Variants in S100A10 observed in about 807,000 individuals in gnomAD.
S100A10 encodes protein S100-A10.
In S100A10, 3 loss-of-function variants were observed where a neutral mutation model predicts 7.1. The observed-to-expected ratio is 0.42, with a 90% CI of 0.19 to 1.10. The LOEUF is 1.10. Among genes scored for constraint, S100A10 ranks in the 50% least tolerant of loss-of-function variants. S100A10 has a pLI of 0.29. For missense variants in S100A10, 101 were observed against 118.1 expected (o/e 0.86, Z 0.67); for synonymous variants, 41 against 39.3 (o/e 1.04, Z -0.16).
chr1:151,992,049 A>G (rs930411236), intron 1 of S100A10, among the ~76,000 whole-genome samples: 8 of 152,222 alleles, frequency 5.3e-5, no homozygotes, highest in African/African-American at 1.4e-4. Context: ...ACAGTGAAGA[A>G]ACTATCCTCT....
chr1:151,988,441 A>T (rs1348349948), intron 1 of S100A10, among the ~76,000 whole-genome samples: 1 of 152,236 alleles, frequency 6.6e-6, no homozygotes, highest in African/African-American at 2.4e-5. Flanking sequence ...TCTCTGAGAG[A>T]TGCCTGTTCA....
chr1:151,989,853 T>C (rs572581513), intron 1 of S100A10, among the ~76,000 whole-genome samples: 1 of 152,368 alleles, frequency 6.6e-6, no homozygotes, highest in South Asian at 2.1e-4. Flanking sequence ...TCCTGCATCC[T>C]GGTTAGACAC....
intron 1 of S100A10, among the ~76,000 whole-genome samples, chr1:151,989,087 G>A (rs1447965128): frequency 2.6e-5 from 4 of 152,184 alleles, no homozygotes; most frequent in Non-Finnish European, 4.4e-5. Context: ...AGCAGGGTAA[G>A]GACCTCTAAA....
In S100A10 at chr1:151,986,259, A is replaced by C; in HGVS notation, c.-21-8T>G. On this transcript the variant is annotated splice_polypyrimidine_tract_variant and splice_region_variant and intron_variant, in intron 1 of 2. Transcript: ENST00000368811. ...GGTGTGGTCCGTTGAAGCCTATTAA[A>C]GGATGTAAAGTAACAGGGTCTACAT... is the stretch of plus-strand genomic sequence containing the variant. 1 of 1,569,792 alleles carries C rather than the reference A, an allele frequency of 6.4e-7. No individual in the cohort carries two copies. Among genetic ancestry groups the C allele is most frequent in the South Asian group, 1.2e-5 (1 of 83,558 alleles).
intron 2 of S100A10, among the ~76,000 whole-genome samples, chr1:151,984,932 C>T (rs1655761944): frequency 6.6e-6 from 1 of 152,162 alleles, no homozygotes; most frequent in Non-Finnish European, 1.5e-5. Context: ...TCACAGGACT[C>T]TACAAAAGCA....
chr1:151,990,815 G>A (rs1655889275), intron 1 of S100A10, among the ~76,000 whole-genome samples: 1 of 152,190 alleles, frequency 6.6e-6, no homozygotes, highest in African/African-American at 2.4e-5. Context: ...TTCCTCACTA[G>A]GTTGCAGGTT....
intron 1 of S100A10, among the ~76,000 whole-genome samples, chr1:151,988,822 A>G (rs1263746367): frequency 6.6e-6 from 1 of 152,192 alleles, no homozygotes; most frequent in Non-Finnish European, 1.5e-5. Flanking sequence ...CTCCAAGTCC[A>G]GCAATTTAAG....
chr1:151,983,384 T>G, intron 2 of S100A10, 60 bp from the exon 3 acceptor site: 1 of 1,197,182 alleles, frequency 8.4e-7, no homozygotes, highest in African/African-American at 1.5e-5. Context: ...GAGGAGCTTA[T>G]TTGATTTGTA....
Position 151,988,132 on chromosome 1 carries a change from T to C in S100A10, c.-21-1881A>G, listed in dbSNP as rs142482735. On this transcript the variant is annotated intron_variant, in intron 1 of 2. Transcript: ENST00000368811. ...CATGTCAGATCATTACATTTGGGTATAATGAACTAGGGGTATATGTCTCAC... is the reference window on the plus strand; with the variant it reads ...CATGTCAGATCATTACATTTGGGTACAATGAACTAGGGGTATATGTCTCAC... 2.5e-3 allele frequency among the ~76,000 whole-genome samples: 383 copies of C among 152,316 alleles called. 3 individuals carry two copies. Among genetic ancestry groups the C allele is most frequent in the African/African-American group, 8.9e-3 (370 of 41,546 alleles).
At chr1:151,986,586 T>C (rs1035457171) in intron 1 of S100A10, among the ~76,000 whole-genome samples, 5 of 152,232 alleles carry the variant, frequency 3.3e-5, no homozygotes, top group Admixed American at 6.5e-5. Flanking sequence ...TTTTGACCAA[T>C]AGCTCCTCAA....
intron 1 of S100A10, 121 bp from the exon 2 acceptor site, chr1:151,986,372 G>A (rs1346260990): frequency 2.9e-6 from 2 of 693,542 alleles, no homozygotes; most frequent in East Asian, 6.2e-5. Context: ...ACAACATGAT[G>A]TTTTCAGGTA....
rs1425080454 is a variant in S100A10, at chr1:151,983,215, A to C, written c.242T>G (p.Ile81Ser). ...SFFSLIAGLT[I>S]ACNDYFVVHM... The stretch of plus-strand genomic sequence containing the variant: ...TACTACAAAATAGTCATTGCATGCA[A>C]TGGTGAGGCCCGCAATTAGGGAAAA... Residue 81 changes from isoleucine to serine, a missense_variant, in exon 3 of 3, where the codon ATT becomes AGT. By Grantham distance (142) the Ile-to-Ser change is moderately radical. Transcript: ENST00000368811. The C allele has an allele frequency of 6.2e-7, 1 of 1,605,260 alleles. No homozygotes were observed. The highest frequency in any genetic ancestry group is 2.3e-5 in the East Asian group (1 of 44,426).
At chr1:151,983,398 C>A in intron 2 of S100A10, 74 bp from the exon 3 acceptor site, 1 of 965,606 alleles carries the variant, frequency 1.0e-6, no homozygotes, top group Non-Finnish European at 1.5e-6. Context: ...ATTTGTACTG[C>A]TGAGAACTGT....
At chr1:151,989,209 C>T (rs2101770210) in intron 1 of S100A10, among the ~76,000 whole-genome samples, 1 of 152,318 alleles carries the variant, frequency 6.6e-6, no homozygotes, top group South Asian at 2.1e-4. Context: ...CTACCTCACA[C>T]TGTGTGAGTG....
chr1:151,988,732 G>C (rs538827647), intron 1 of S100A10, among the ~76,000 whole-genome samples: 1 of 152,312 alleles, frequency 6.6e-6, no homozygotes, highest in African/African-American at 2.4e-5. Context: ...ACACAGCTCA[G>C]ATCTGGCTCA....
chr1:151,988,866 G>A (rs1655849825), intron 1 of S100A10, among the ~76,000 whole-genome samples: 1 of 152,164 alleles, frequency 6.6e-6, no homozygotes, highest in South Asian at 2.1e-4. Flanking sequence ...TCTGGGAGAA[G>A]GACGTGGGAT....
chr1:151,987,538 C>CTTTTTT (rs11383937), intron 1 of S100A10, among the ~76,000 whole-genome samples: 5 of 116,314 alleles, frequency 4.3e-5, no homozygotes, highest in African/African-American at 6.6e-5. Context: ...TATATGTATT[C>CTTTTTT]TTTTTTTTTT....
intron 1 of S100A10, among the ~76,000 whole-genome samples, chr1:151,991,825 A>G (rs1222156106): frequency 6.6e-6 from 1 of 152,208 alleles, no homozygotes; most frequent in Non-Finnish European, 1.5e-5. Context: ...GCAGGGAGGC[A>G]CACAGTCTCA....
chr1:151,988,122 C>G (rs993111088), intron 1 of S100A10, among the ~76,000 whole-genome samples: 8 of 152,184 alleles, frequency 5.3e-5, no homozygotes, highest in Non-Finnish European at 1.0e-4. Context: ...CAGATCATTA[C>G]ATTTGGGTAT....
Sources: gnomAD v4.1 joint callset for allele counts (sites outside exome capture counted in the v4.1 genomes callset) on GRCh38, gnomAD v4.1.1 for gene constraint, MANE v1.5 for transcripts, NCBI Gene and HGNC (gene_info 2026-07-23, HGNC 2026-07-21) for gene names.